UNC13D: variants seen among roughly 807,000 people sequenced by gnomAD.
UNC13D encodes the protein unc-13 homolog D, also known as protein unc-13 homolog D.
UNC13D carries 115 observed loss-of-function variants against 151.7 expected under a neutral mutation model. The ratio of observed to expected loss-of-function variants is 0.76; its 90% CI spans 0.65 to 0.88. The LOEUF (loss-of-function observed/expected upper bound fraction) is 0.88. UNC13D is among the 40% of genes least tolerant of loss of function. UNC13D has a pLI of 0.00. For synonymous variants in UNC13D, 588 were observed against 612.2 expected (o/e 0.96, Z 0.58); for missense variants, 1,369 against 1,438.7 (o/e 0.95, Z 0.78).
At chr17:75,844,075 G>A in intron 1 of UNC13D, 146 bp downstream of exon 1, 1 of 1,481,374 alleles carries the variant, frequency 6.8e-7, no homozygotes, top group Non-Finnish European at 9.1e-7. Context: ...TGGCCCAGGG[G>A]GCTCTCCCCA....
At chr17:75,839,980 G>A in intron 11 of UNC13D, 38 bp from the exon 12 acceptor site, 1 of 1,613,484 alleles carries the variant, frequency 6.2e-7, no homozygotes, top group South Asian at 1.1e-5. Context: ...GGACCTGAAG[G>A]GCAGCCCCGG....
Position 75,832,944 on chromosome 17 carries a change from C to T in UNC13D, c.2447+22G>A. On this transcript the variant is annotated intron_variant, in intron 25 of 31. Transcript: ENST00000207549. This position sits in a 1 kb window ranked among gnomAD's most constrained non-coding sequence, Gnocchi z 4.3. ...GAGAGGGGGAGGTGGCGAGCGCGCC[C>T]AGGGCAGGGGCTGCTACAGACCTGC... is the stretch of plus-strand genomic sequence containing the variant. 2 of 1,565,652 alleles carry T rather than the reference C, an allele frequency of 1.3e-6. No homozygotes were observed. The highest frequency in any genetic ancestry group is 8.7e-7 in the Non-Finnish European group (1 of 1,153,670).
At position 75,835,443 on chromosome 17, in the gene UNC13D, AG is replaced by A; in HGVS notation, c.1813del (p.Leu605TrpfsTer19). 6.2e-7 allele frequency: 1 copy of A among 1,612,806 alleles called. No individual in the cohort carries two copies. Among genetic ancestry groups the A allele is most frequent in the Non-Finnish European group, 8.5e-7 (1 of 1,179,748 alleles). On this transcript the variant is annotated frameshift_variant, in exon 20 of 32. Coordinates refer to ENST00000207549, the MANE Select transcript of UNC13D (RefSeq NM_199242.3). LOFTEE classifies it high-confidence loss of function. ...SWLQKTYNEA[L>X]ARVQRAVQMD... ...CTGCACAGCGCGCTGCACCCGCGCC[AG>A]GGCCTCGTTGTACGTCTTCTGCAGC...
Position 75,840,484 on chromosome 17 carries a change from G to T in UNC13D, c.753+23C>A. On this transcript the variant is annotated intron_variant, in intron 9 of 31. Transcript: ENST00000207549. The surrounding 1 kb of genome is among the most constrained non-coding windows in gnomAD (Gnocchi z 4.6). The stretch of plus-strand genomic sequence containing the variant: ...CCCCCTCCCTCTGCCTCGCTCCTGG[G>T]CCCCTTTCCTCATCCTCCTCACCTG... 1 of 1,613,796 alleles carries T rather than the reference G, an allele frequency of 6.2e-7. No individual in the cohort carries two copies. Among genetic ancestry groups the T allele is most frequent in the Non-Finnish European group, 8.5e-7 (1 of 1,179,818 alleles).
At position 75,827,625 on chromosome 17, in the gene UNC13D, T is replaced by TGGGCCA. The variant is rs1175999551; in HGVS notation, c.*334_*339dup. On this transcript the variant is annotated 3_prime_UTR_variant, in exon 32 of 32. Coordinates refer to ENST00000207549, the MANE Select transcript of UNC13D (RefSeq NM_199242.3). ...TGGAACAGGAAGGCCAGGAGGCAGA[T>TGGGCCA]GGGCCAGGGCCAGGAGACAGATGGC... The TGGGCCA allele has an allele frequency of 3.3e-6, 5 of 1,535,248 alleles. No individual in the cohort carries two copies. In the Admixed American group the frequency reaches 9.8e-5, roughly 30 times the overall value.
In UNC13D at chr17:75,833,181, C is replaced by T. The variant is rs912814497; in HGVS notation, c.2368-136G>A. The T allele has an allele frequency of 5.0e-6, 4 of 802,160 alleles. No individual in the cohort carries two copies. The highest frequency in any genetic ancestry group is 1.7e-5 in the African/African-American group (1 of 58,720). 49.7% of individuals were successfully genotyped at this position (802,160 alleles called of 1,614,324 possible). On this transcript the variant is annotated intron_variant, in intron 24 of 31. Coordinates refer to ENST00000207549, the MANE Select transcript of UNC13D (RefSeq NM_199242.3). This position sits in a 1 kb window ranked among gnomAD's most constrained non-coding sequence, Gnocchi z 4.0. ...GCAGTTTGTAGTGTCTGTAAGAGGC[C>T]GGCCTGCCCACCTCTCTGCCTTCCC...
At position 75,830,577 on chromosome 17, in the gene UNC13D, C is replaced by T. The variant is rs1555600214; in HGVS notation, c.2709+1G>A. On this transcript the variant is annotated splice_donor_variant, in intron 28 of 31. Transcript: ENST00000207549. LOFTEE classifies it high-confidence loss of function. ...GGCGCAGTGCGAGGGAGGGGCCTCACCTGCTGCTGGATTCGGCTGCAGAAG... is the reference window on the plus strand; with the variant it reads ...GGCGCAGTGCGAGGGAGGGGCCTCATCTGCTGCTGGATTCGGCTGCAGAAG... 6.4e-7 allele frequency: 1 copy of T among 1,563,318 alleles called. No individual in the cohort carries two copies. The highest frequency in any genetic ancestry group is 8.7e-7 in the Non-Finnish European group (1 of 1,153,752).
Position 75,830,598 on chromosome 17 carries a change from A to G in UNC13D, c.2689T>C (p.Cys897Arg), listed in dbSNP as rs755772702. ...CTCACCTGCTGCTGGATTCGGCTGC[A>G]GAAGTACTTCCGGATGAGTTCCCGG... ...SSRELIRKYF[C>R]SRIQQQAETT... is the part of the protein sequence containing the mutation. Residue 897 changes from cysteine (C) to arginine (R), a missense_variant, in exon 28 of 32, where the codon TGC becomes CGC. Physicochemically the swap from Cys to Arg is radical, Grantham distance 180. Around this residue, in one of 3 missense-constraint regions of UNC13D, gnomAD observed 807 missense variants for 795.5 expected, o/e 1.01. Transcript: ENST00000207549. 1 of 1,560,618 alleles carries G rather than the reference A, an allele frequency of 6.4e-7. No individual in the cohort carries two copies. Among genetic ancestry groups the G allele is most frequent in the Non-Finnish European group, 8.7e-7 (1 of 1,152,468 alleles).
chr17:75,837,754 C>A (rs202033199), intron 12 of UNC13D, among the ~76,000 whole-genome samples: 199 of 125,168 alleles, frequency 1.6e-3, no homozygotes, highest in African/African-American at 4.3e-3. Context: ...AACTCCAGCT[C>A]AAAAAAAAAA....
rs112840585 is a variant in UNC13D at position 75,832,903 on chromosome 17, G to A, written c.2447+63C>T. ...CAGAACGGATGCTGGGGCCCAGGAAGGAGGGGCCGTGGGAGGAGAGGGGGA... is the reference window on the plus strand; with the variant it reads ...CAGAACGGATGCTGGGGCCCAGGAAAGAGGGGCCGTGGGAGGAGAGGGGGA... On this transcript the variant is annotated intron_variant, in intron 25 of 31. Coordinates refer to ENST00000207549, the MANE Select transcript of UNC13D (RefSeq NM_199242.3). The surrounding 1 kb of genome is among the most constrained non-coding windows in gnomAD (Gnocchi z 4.3). 4.8e-6 allele frequency: 7 copies of A among 1,445,488 alleles called. No individual in the cohort carries two copies. The highest frequency in any genetic ancestry group is 5.2e-5 in the East Asian group (2 of 38,556). 89.5% of individuals were successfully genotyped at this position (1,445,488 alleles called of 1,614,324 possible). A position where few individuals can be genotyped will look rare whatever the true frequency, so the allele number is the denominator to read the frequency against.
At chr17:75,828,125 G>T in intron 31 of UNC13D, 39 bp from the exon 32 acceptor site, 1 of 1,562,620 alleles carries the variant, frequency 6.4e-7, no homozygotes, top group East Asian at 2.4e-5. Flanking sequence ...TGCCAGGGGA[G>T]AGGGCAGTGC....
rs2064940980 is a variant in UNC13D at position 75,840,603 on chromosome 17, G to T, written c.684-27C>A. On this transcript the variant is annotated intron_variant, in intron 8 of 31. Transcript: ENST00000207549. This position sits in a 1 kb window ranked among gnomAD's most constrained non-coding sequence, Gnocchi z 4.6. ...TGCGTCAGGCAGGGTCCCATAAGGG[G>T]GACGCAGCAAGGGTCGGAAGGGATT... 1.2e-6 allele frequency: 2 copies of T among 1,613,778 alleles called. No homozygotes were observed. Among genetic ancestry groups the T allele is most frequent in the Admixed American group, 3.3e-5 (2 of 59,976 alleles).
Position 75,844,285 on chromosome 17 carries a change from G to C in UNC13D, c.53C>G (p.Ala18Gly). ...PQQRPPFLRQ[A>G]IKIRRRRVRD... ...GACTCTGCGGCGCCTTATCTTGATG[G>C]CCTGGCGCAAGAAGGGAGGGCGCTG... is the stretch of plus-strand genomic sequence containing the variant. The change falls in exon 1 of 32, where the codon GCC becomes GGC. Residue 18 changes from alanine (A) to glycine (G), a missense_variant. Physicochemically the swap from Ala to Gly is moderately conservative, Grantham distance 60. Around this residue, in one of 3 missense-constraint regions of UNC13D, gnomAD observed 550 missense variants for 609.0 expected, o/e 0.90. Coordinates refer to ENST00000207549, the MANE Select transcript of UNC13D (RefSeq NM_199242.3). The C allele has an allele frequency of 6.2e-7, 1 of 1,612,810 alleles. No individual in the cohort carries two copies. The highest frequency in any genetic ancestry group is 1.1e-5 in the South Asian group (1 of 91,068).
rs374285989 is a variant in UNC13D, at chr17:75,840,470, T to C, written c.753+37A>G. 3.8e-5 allele frequency: 60 copies of C among 1,568,912 alleles called. No individual in the cohort carries two copies. The highest frequency in any genetic ancestry group is 4.7e-5 in the Non-Finnish European group (54 of 1,140,048). ...AGAACCCCTCCCAACCCCCTCCCTC[T>C]GCCTCGCTCCTGGGCCCCTTTCCTC... On this transcript the variant is annotated intron_variant, in intron 9 of 31. Transcript: ENST00000207549. This position sits in a 1 kb window ranked among gnomAD's most constrained non-coding sequence, Gnocchi z 4.6.
At position 75,830,618 on chromosome 17, in the gene UNC13D, T is replaced by C; in HGVS notation, c.2669A>G (p.Glu890Gly). The C allele has an allele frequency of 6.4e-7, 1 of 1,558,158 alleles. No individual in the cohort carries two copies. Residue 890 changes from glutamate to glycine, a missense_variant, in exon 28 of 32, where the codon GAA (glutamate) becomes GGA (glycine). Transcript: ENST00000207549. ...DLELQAASSR[E>G]LIRKYFCSRI... is the part of the protein sequence containing the mutation. ...GCTGCAGAAGTACTTCCGGATGAGT[T>C]CCCGGCTGGAGGCCGCCTGCAGCTC...
At position 75,827,934 on chromosome 17, in the gene UNC13D, G is replaced by C; in HGVS notation, c.*31C>G. The C allele has an allele frequency of 6.2e-7, 1 of 1,605,064 alleles. No individual in the cohort carries two copies. The highest frequency in any genetic ancestry group is 1.1e-5 in the South Asian group (1 of 90,078). On this transcript the variant is annotated 3_prime_UTR_variant, in exon 32 of 32. Coordinates refer to ENST00000207549, the MANE Select transcript of UNC13D (RefSeq NM_199242.3). ...AGGAAAGCCCTTGCAAGTCCCCACC[G>C]GGGACCCAGCCCCACCGCAAACCTC...
intron 21 of UNC13D, 59 bp from the exon 22 acceptor site, chr17:75,834,775 G>A: frequency 6.2e-7 from 1 of 1,607,988 alleles, no homozygotes; most frequent in East Asian, 2.2e-5. Context: ...GGAAGGGCAG[G>A]TGGGAGGGCA....
intron 12 of UNC13D, 49 bp from the exon 13 acceptor site, chr17:75,836,967 T>C: frequency 1.4e-6 from 2 of 1,458,438 alleles, no homozygotes; most frequent in Non-Finnish European, 1.9e-6. Flanking sequence ...GGAAATTGCC[T>C]TCCCCTGTTC....
chr17:75,835,964 G>T (rs202196481), intron 17 of UNC13D, 48 bp downstream of exon 17: 1 of 1,614,146 alleles, frequency 6.2e-7, no homozygotes, highest in African/African-American at 1.3e-5. Flanking sequence ...CCATGGTTCC[G>T]GCTCTGAGGC....
Sources: gnomAD v4.1 joint callset for allele counts (sites outside exome capture counted in the v4.1 genomes callset) on GRCh38, gnomAD v4.1.1 for gene constraint, gnomAD v4.1.1 regional missense constraint, Gnocchi (gnomAD v3.1) non-coding constraint, MANE v1.5 for transcripts, NCBI Gene and HGNC (gene_info 2026-07-23, HGNC 2026-07-21) for gene names.